Variants in CELF2 observed in about 807,000 individuals in gnomAD.
The protein encoded by CELF2 is CUGBP Elav-like family member 2, also known as CUG triplet repeat RNA-binding protein 2.
CELF2 carries 8 observed loss-of-function variants against 62.6 expected under a neutral mutation model. The ratio of observed to expected loss-of-function variants is 0.13; its 90% CI spans 0.07 to 0.23. The LOEUF (loss-of-function observed/expected upper bound fraction) is 0.23, where lower values mean the gene tolerates loss of function less well. CELF2 is among the 10% of genes least tolerant of loss of function. The pLI is 1.00. For synonymous variants in CELF2, 258 were observed against 250.0 expected (o/e 1.03, Z -0.30); for missense variants, 333 against 671.0 (o/e 0.50, Z 5.56).
chr10:10,659,765 G>C, the CELF2 span, among the ~76,000 whole-genome samples: 1 of 152,138 alleles, frequency 6.6e-6, no homozygotes, highest in Non-Finnish European at 1.5e-5. Context: ...CATTTCCCCA[G>C]CCCTACCTGG....
chr10:11,139,842 T>G (rs953213877), intron 1 of CELF2, among the ~76,000 whole-genome samples: 39 of 151,984 alleles, frequency 2.6e-4, no homozygotes, highest in African/African-American at 7.2e-4. Flanking sequence ...TCATTCAGTT[T>G]TTTTTTTTTT....
At position 10,865,793 on chromosome 10, in the gene CELF2, C is replaced by T. The variant is rs142086173; in HGVS notation, c.54-54171C>T. Reference sequence around the variant, plus strand: ...AATGAGAGAGAAAGAAGAATGCAGGCACTATGTGAAAACTTAACTGGAAAA... The same window carrying T: ...AATGAGAGAGAAAGAAGAATGCAGGTACTATGTGAAAACTTAACTGGAAAA... On this transcript the variant is annotated intron_variant, in intron 1 of 13. Coordinates refer to the CELF2 transcript ENST00000636488. 4.2e-4 allele frequency among the ~76,000 whole-genome samples: 63 copies of T among 151,680 alleles called. 1 individual carries two copies. Among genetic ancestry groups the T allele is most frequent in the African/African-American group, 1.3e-3 (53 of 41,330 alleles).
intron 1 of CELF2, among the ~76,000 whole-genome samples, chr10:11,062,819 A>G (rs991222545): frequency 6.6e-6 from 1 of 152,214 alleles, no homozygotes; most frequent in Non-Finnish European, 1.5e-5. Context: ...AAGAAGTTCT[A>G]ACATGGGCAA....
At chr10:10,602,277 C>G in the CELF2 span, among the ~76,000 whole-genome samples, 1 of 152,078 alleles carries the variant, frequency 6.6e-6, no homozygotes, top group Non-Finnish European at 1.5e-5. Context: ...GGCTGTGTAC[C>G]TGGGCCTTCT....
chr10:10,624,837 A>G, the CELF2 span, among the ~76,000 whole-genome samples: 5 of 152,184 alleles, frequency 3.3e-5, no homozygotes. Flanking sequence ...ATCTCTCTCC[A>G]GGGAATGAGG....
intron 1 of CELF2, among the ~76,000 whole-genome samples, chr10:11,138,150 T>C (rs2060736317): frequency 6.6e-6 from 1 of 152,230 alleles, no homozygotes; most frequent in Non-Finnish European, 1.5e-5. Flanking sequence ...TGTGAAACTA[T>C]ATGGAAACAG....
the CELF2 span, among the ~76,000 whole-genome samples, chr10:10,736,069 T>G: frequency 6.6e-6 from 1 of 152,224 alleles, no homozygotes; most frequent in African/African-American, 2.4e-5. Context: ...GGACTAGATT[T>G]TATTGAGTAC....
chr10:10,842,083 G>GGAA (rs2058721472), intron 1 of CELF2, among the ~76,000 whole-genome samples: 5 of 151,754 alleles, frequency 3.3e-5, no homozygotes, highest in Admixed American at 3.3e-4. Context: ...ATTTCAAATT[G>GGAA]GAAGACTCCA....
the CELF2 span, among the ~76,000 whole-genome samples, chr10:10,678,805 T>A: frequency 6.6e-6 from 1 of 152,192 alleles, no homozygotes; most frequent in African/African-American, 2.4e-5. Context: ...TCTGTTAGGA[T>A]CCTTTTGGAA....
At chr10:10,462,708 G>T in the CELF2 span, among the ~76,000 whole-genome samples, 4 of 142,702 alleles carry the variant, frequency 2.8e-5, no homozygotes, top group African/African-American at 7.8e-5. Context: ...CTTCCCTGCC[G>T]TGAGGGGTTA....
chr10:10,728,109 G>C, the CELF2 span, among the ~76,000 whole-genome samples: 1 of 151,560 alleles, frequency 6.6e-6, no homozygotes, highest in Non-Finnish European at 1.5e-5. Flanking sequence ...CTTGAAAAAT[G>C]AGAATGATTT....
chr10:11,329,124 AACAGGGAAGGCAG>A lies in CELF2; in HGVS notation c.*73_*85del. On this transcript the variant is annotated 3_prime_UTR_variant, in exon 13 of 13. Coordinates refer to ENST00000633077, the MANE Select transcript of CELF2 (RefSeq NM_001326342.2). The surrounding 1 kb of genome is among the most constrained non-coding windows in gnomAD (Gnocchi z 5.5). Reference sequence around the variant, plus strand: ...TAAGTCCCACGAGCCAGCCTGTCTCAACAGGGAAGGCAGAGGAGGACCACATTGCCAACTTTTA... The same window carrying A: ...TAAGTCCCACGAGCCAGCCTGTCTCAAGGAGGACCACATTGCCAACTTTTA... 6.7e-7 allele frequency: 1 copy of A among 1,493,262 alleles called. No individual in the cohort carries two copies. The highest frequency in any genetic ancestry group is 9.0e-7 in the Non-Finnish European group (1 of 1,106,198). 92.5% of individuals were successfully genotyped at this position (1,493,262 alleles called of 1,614,324 possible).
intron 1 of CELF2, chr10:11,096,388 AGT>A (rs2049885949): frequency 1.3e-5 from 2 of 152,254 alleles, no homozygotes; most frequent in Admixed American, 1.3e-4. Flanking sequence ...TGGCAACTGT[AGT>A]GTTGACTTAA....
At chr10:10,737,648 G>T in the CELF2 span, among the ~76,000 whole-genome samples, 1 of 151,904 alleles carries the variant, frequency 6.6e-6, no homozygotes, top group Non-Finnish European at 1.5e-5. Context: ...CCTTTGCTCT[G>T]AATAAATCAT....
intron 2 of CELF2, among the ~76,000 whole-genome samples, chr10:10,926,585 G>A (rs879563784): frequency 6.6e-5 from 10 of 152,250 alleles, no homozygotes; most frequent in Admixed American, 1.3e-4. Context: ...TTGATAAGGC[G>A]CACCTCATGC....
At chr10:10,496,705 T>C in the CELF2 span, among the ~76,000 whole-genome samples, 307 of 152,210 alleles carry the variant, frequency 2.0e-3, 1 homozygote, top group African/African-American at 6.9e-3. Context: ...TGTATTGAAA[T>C]TGTCTCTGTG....
intron 9 of CELF2, among the ~76,000 whole-genome samples, chr10:11,289,692 C>T (rs2092187304): frequency 6.6e-6 from 1 of 152,184 alleles, no homozygotes; most frequent in Non-Finnish European, 1.5e-5. Context: ...CATACCGTTA[C>T]TGTATGAGGG....
chr10:11,285,302 C>G lies in CELF2; in HGVS notation c.842-3116C>G, dbSNP rs1201347578. Among the ~76,000 whole-genome samples, 2 of 152,132 alleles carry G rather than the reference C, an allele frequency of 1.3e-5. No individual in the cohort carries two copies. The highest frequency in any genetic ancestry group is 2.9e-5 in the Non-Finnish European group (2 of 68,010). On this transcript the variant is annotated intron_variant, in intron 8 of 12. Coordinates refer to ENST00000633077, the MANE Select transcript of CELF2 (RefSeq NM_001326342.2). The surrounding 1 kb of genome is among the most constrained non-coding windows in gnomAD (Gnocchi z 4.3). ...ACTCTTCATCTCAGCTTCCTTGACTCATAGTTTTTCCTTTCCTTGCAGTCT... is the reference window on the plus strand; with the variant it reads ...ACTCTTCATCTCAGCTTCCTTGACTGATAGTTTTTCCTTTCCTTGCAGTCT...
chr10:11,301,609 G>GC (rs976008786), intron 9 of CELF2, among the ~76,000 whole-genome samples: 6 of 147,266 alleles, frequency 4.1e-5, no homozygotes, highest in African/African-American at 1.5e-4. Context: ...CTGGGCCTCA[G>GC]CTCCCACCTG....
Sources: gnomAD v4.1 joint callset for allele counts (sites outside exome capture counted in the v4.1 genomes callset) on GRCh38, gnomAD v4.1.1 for gene constraint, Gnocchi (gnomAD v3.1) non-coding constraint, MANE v1.5 for transcripts, NCBI Gene and HGNC (gene_info 2026-07-23, HGNC 2026-07-21) for gene names.